Variants in CTDSPL2 observed in about 807,000 individuals in gnomAD.
CTDSPL2 encodes the protein CTD small phosphatase-like protein 2.
CTDSPL2 carries 5 observed loss-of-function variants against 60.0 expected under a neutral mutation model. That is an observed-to-expected ratio of 0.08 (90% CI 0.04 to 0.18). The LOEUF (loss-of-function observed/expected upper bound fraction) is 0.18. CTDSPL2 is among the 10% of genes least tolerant of loss of function. The probability of loss-of-function intolerance (pLI) is 1.00; values close to 1 mark genes in which losing one functional copy is unlikely to be tolerated. For synonymous variants in CTDSPL2, 186 were observed against 189.3 expected (o/e 0.98, Z 0.14); for missense variants, 370 against 548.8 (o/e 0.67, Z 3.26).
At chr15:44,487,549 C>T (rs941310615) in intron 4 of CTDSPL2, among the ~76,000 whole-genome samples, 6 of 152,004 alleles carry the variant, frequency 3.9e-5, no homozygotes, top group Admixed American at 6.6e-5. Flanking sequence ...AAAGAAAAGC[C>T]GAATCTGGAA....
At chr15:44,492,672 G>A (rs1205383752) in intron 5 of CTDSPL2, among the ~76,000 whole-genome samples, 1 of 152,166 alleles carries the variant, frequency 6.6e-6, no homozygotes, top group South Asian at 2.1e-4. Context: ...GAAGAGACAA[G>A]CAGCAAAATA....
chr15:44,456,542 G>A (rs1002949017), intron 1 of CTDSPL2, among the ~76,000 whole-genome samples: 1 of 152,144 alleles, frequency 6.6e-6, no homozygotes, highest in African/African-American at 2.4e-5. Flanking sequence ...GGTGTTTATA[G>A]TATTCTCTGA....
chr15:44,433,710 A>C (rs971669283), intron 1 of CTDSPL2, among the ~76,000 whole-genome samples: 1 of 149,382 alleles, frequency 6.7e-6, no homozygotes, highest in Non-Finnish European at 1.5e-5. Flanking sequence ...TCGCTCTGTC[A>C]CCCAGGCTGG....
Position 44,521,343 on chromosome 15 carries a change from T to C in CTDSPL2, c.1272T>C (p.Phe424=). Residue 424 remains phenylalanine (F), a synonymous_variant, in exon 12 of 13, where the codon TTT becomes TTC. Coordinates refer to ENST00000260327, the MANE Select transcript of CTDSPL2 (RefSeq NM_016396.3). ...ATGGAATCCCTATAGAAAGTTGGTT[T>C]ATGGATAAAAATGACAATGAACTCC... ...LSNGIPIESW[F]MDKNDNELLK... is the part of the protein sequence containing the mutation. The C allele has an allele frequency of 6.3e-7, 1 of 1,580,054 alleles. No homozygotes were observed. The highest frequency in any genetic ancestry group is 8.7e-7 in the Non-Finnish European group (1 of 1,152,508).
chr15:44,479,696 C>A (rs946117302), intron 2 of CTDSPL2, among the ~76,000 whole-genome samples: 1 of 152,008 alleles, frequency 6.6e-6, no homozygotes, highest in Non-Finnish European at 1.5e-5. Context: ...GGCCTCCACA[C>A]CAGCCTCATA....
chr15:44,522,450 T>C (rs925716234), intron 12 of CTDSPL2, among the ~76,000 whole-genome samples: 6 of 152,186 alleles, frequency 3.9e-5, no homozygotes, highest in African/African-American at 1.4e-4. Context: ...TAAGCAGTTG[T>C]GTTAGAAATA....
intron 8 of CTDSPL2, among the ~76,000 whole-genome samples, chr15:44,509,505 C>G (rs1048751363): frequency 6.6e-6 from 1 of 152,134 alleles, no homozygotes; most frequent in African/African-American, 2.4e-5. Flanking sequence ...CCACGCCCAG[C>G]CAATGACTAC....
At chr15:44,440,703 T>G (rs2080068038) in intron 1 of CTDSPL2, among the ~76,000 whole-genome samples, 1 of 152,208 alleles carries the variant, frequency 6.6e-6, no homozygotes, top group Non-Finnish European at 1.5e-5. Context: ...TTGAATGCTT[T>G]GCCTCTTGAG....
intron 2 of CTDSPL2, among the ~76,000 whole-genome samples, chr15:44,475,631 T>C (rs1966702101): frequency 1.5e-5 from 1 of 68,510 alleles, no homozygotes; most frequent in Admixed American, 1.9e-4. Flanking sequence ...AGAACAAGAC[T>C]TCGTCTCAAA....
chr15:44,506,025 C>CTTTTTTTTTTTTTTTTTTTTTTTTTTTTT (rs753896129), intron 8 of CTDSPL2, among the ~76,000 whole-genome samples: 7 of 117,578 alleles, frequency 6.0e-5, no homozygotes, highest in East Asian at 5.4e-4. Context: ...TCATTGGTAA[C>CTTTTTTTTTTTTTTTTTTTTTTTTTTTTT]TTTTTTTTTT....
intron 8 of CTDSPL2, among the ~76,000 whole-genome samples, chr15:44,507,019 G>T (rs554597256): frequency 1.4e-5 from 2 of 146,008 alleles, no homozygotes; most frequent in African/African-American, 5.1e-5. Context: ...CGCCCACCTC[G>T]GCCTCCCAAA....
At chr15:44,461,202 A>T (rs1264332758) in intron 2 of CTDSPL2, among the ~76,000 whole-genome samples, 1 of 152,176 alleles carries the variant, frequency 6.6e-6, no homozygotes. Flanking sequence ...AATTCTATTC[A>T]TATTTATAGT....
At chr15:44,500,669 G>A (rs2081369927) in intron 8 of CTDSPL2, among the ~76,000 whole-genome samples, 1 of 152,144 alleles carries the variant, frequency 6.6e-6, no homozygotes, top group African/African-American at 2.4e-5. Flanking sequence ...GGTTGTTTAT[G>A]TGCTCTTAAA....
At chr15:44,462,018 C>T (rs1193149138) in intron 2 of CTDSPL2, among the ~76,000 whole-genome samples, 1 of 152,230 alleles carries the variant, frequency 6.6e-6, no homozygotes, top group Non-Finnish European at 1.5e-5. Flanking sequence ...TCACAGCTCA[C>T]TGCAGCCTTG....
intron 1 of CTDSPL2, among the ~76,000 whole-genome samples, chr15:44,438,646 G>C (rs886595027): frequency 2.0e-5 from 3 of 152,100 alleles, no homozygotes; most frequent in African/African-American, 7.2e-5. Flanking sequence ...GTATGGGGGT[G>C]GTATGGGAAA....
intron 12 of CTDSPL2, among the ~76,000 whole-genome samples, chr15:44,523,798 C>T (rs2081829310): frequency 6.6e-6 from 1 of 152,148 alleles, no homozygotes; most frequent in African/African-American, 2.4e-5. Context: ...ACTTTGGAGG[C>T]TGAGGCACAA....
rs754627394 is a variant in CTDSPL2 at position 44,490,979 on chromosome 15, G to A, written c.671G>A (p.Arg224His). The change falls in exon 5 of 13, where the codon CGT becomes CAT. Residue 224 changes from arginine to histidine, a missense_variant. By Grantham distance (29) the Arg-to-His change is conservative. Around this residue, in one of 6 missense-constraint regions of CTDSPL2, gnomAD observed 287 missense variants for 296.1 expected, o/e 0.97. Coordinates refer to ENST00000260327, the MANE Select transcript of CTDSPL2 (RefSeq NM_016396.3). ...GAAGAAGCAGAAGAAACAGTTAATC[G>A]TGATATCCCACCCCTTACAGGTGAA... ...GLEEAEETVN[R>H]DIPPLTAPVT... The A allele has an allele frequency of 4.3e-6, 7 of 1,613,810 alleles. No individual in the cohort carries two copies. Among genetic ancestry groups the A allele is most frequent in the African/African-American group, 2.7e-5 (2 of 74,910 alleles).
chr15:44,464,786 A>T (rs1383255667), intron 2 of CTDSPL2, among the ~76,000 whole-genome samples: 2 of 152,128 alleles, frequency 1.3e-5, no homozygotes, highest in East Asian at 3.9e-4. Flanking sequence ...AGCTCATTGC[A>T]ACCTGTCTCC....
chr15:44,462,933 G>C (rs891737757), intron 2 of CTDSPL2, among the ~76,000 whole-genome samples: 2 of 151,900 alleles, frequency 1.3e-5, no homozygotes, highest in Non-Finnish European at 2.9e-5. Flanking sequence ...TTGAACTCCT[G>C]GCCTCAAGTA....
Sources: gnomAD v4.1 joint callset for allele counts (sites outside exome capture counted in the v4.1 genomes callset) on GRCh38, gnomAD v4.1.1 for gene constraint, gnomAD v4.1.1 regional missense constraint, MANE v1.5 for transcripts, NCBI Gene and HGNC (gene_info 2026-07-23, HGNC 2026-07-21) for gene names.